The following FOXP1 variants were observed in gnomAD, a reference collection of about 807,000 sequenced individuals.
FOXP1 encodes the protein forkhead box protein P1.
FOXP1 carries 15 observed loss-of-function variants against 98.2 expected under a neutral mutation model. The observed-to-expected ratio is 0.15, with a 90% CI of 0.10 to 0.24. The LOEUF (loss-of-function observed/expected upper bound fraction) is 0.24, where lower values mean the gene tolerates loss of function less well. FOXP1 is among the 10% of genes least tolerant of loss of function. The probability of loss-of-function intolerance (pLI) is 1.00; values close to 1 mark genes in which losing one functional copy is unlikely to be tolerated. For synonymous variants in FOXP1, 371 were observed against 314.5 expected, an observed-to-expected ratio of 1.18 and a Z score of -1.90; for missense variants, 633 against 848.5, an observed-to-expected ratio of 0.75 and a Z score of 3.15.
chr3:71,353,053 G>A (rs1350540112), intron 4 of FOXP1, among the ~76,000 whole-genome samples: 3 of 152,174 alleles, frequency 2.0e-5, no homozygotes, highest in Middle Eastern at 6.3e-3. Flanking sequence ...CTCCTGGTTG[G>A]AATACCCAGG....
intron 17 of FOXP1, among the ~76,000 whole-genome samples, chr3:70,974,906 C>G (rs1559610142): frequency 6.6e-6 from 1 of 152,168 alleles, no homozygotes; most frequent in African/African-American, 2.4e-5. Flanking sequence ...AAAGCCAAAA[C>G]TTCAGTTCTG....
At chr3:71,367,711 C>A (rs758880507) in intron 3 of FOXP1, among the ~76,000 whole-genome samples, 2 of 152,150 alleles carry the variant, frequency 1.3e-5, no homozygotes, top group Non-Finnish European at 2.9e-5. Context: ...TTTTTCATAT[C>A]ATTTTCTGGA....
At chr3:71,570,415 A>T (rs1242976827) in intron 2 of FOXP1, 1 of 152,148 alleles carries the variant, frequency 6.6e-6, no homozygotes, top group African/African-American at 2.4e-5. Context: ...ACACAACACA[A>T]TGCCAGTTCA....
chr3:71,323,206 T>A (rs1044137790), intron 4 of FOXP1, among the ~76,000 whole-genome samples: 7 of 152,150 alleles, frequency 4.6e-5, no homozygotes, highest in Admixed American at 2.6e-4. Flanking sequence ...CCTGACCTCA[T>A]GATCCGCCCG....
At chr3:70,983,849 T>C (rs1008512231) in intron 14 of FOXP1, among the ~76,000 whole-genome samples, 1 of 152,242 alleles carries the variant, frequency 6.6e-6, no homozygotes, top group East Asian at 1.9e-4. Flanking sequence ...TGTTTCTTTT[T>C]GTTTTTGTTT....
intron 5 of FOXP1, among the ~76,000 whole-genome samples, chr3:71,249,033 A>G (rs959339463): frequency 1.3e-5 from 2 of 152,232 alleles, no homozygotes; most frequent in Non-Finnish European, 2.9e-5. Flanking sequence ...TTTTGTGTAG[A>G]ATTTCTGCAG....
chr3:71,266,971 A>T (rs1196391122), intron 5 of FOXP1, among the ~76,000 whole-genome samples: 1 of 152,188 alleles, frequency 6.6e-6, no homozygotes, highest in Non-Finnish European at 1.5e-5. Context: ...CTCCCATCAC[A>T]GATACACAGT....
At chr3:71,572,739 C>T (rs1289235137) in intron 2 of FOXP1, 2 of 152,152 alleles carry the variant, frequency 1.3e-5, no homozygotes, top group Admixed American at 1.3e-4. Flanking sequence ...TTCCAGGAGC[C>T]TCTCCTACCT....
intron 11 of FOXP1, among the ~76,000 whole-genome samples, chr3:71,031,843 C>T (rs2046907417): frequency 6.6e-6 from 1 of 152,216 alleles, no homozygotes; most frequent in Non-Finnish European, 1.5e-5. Flanking sequence ...CTTATGTTAA[C>T]ACACAACCAC....
At position 71,390,759 on chromosome 3, in the gene FOXP1, A is replaced by G. The variant is rs112804447; in HGVS notation, c.-167-31515T>C. 3.3e-3 allele frequency among the ~76,000 whole-genome samples: 500 copies of G among 152,340 alleles called. 5 individuals are homozygous for G. The highest frequency in any genetic ancestry group is 0.011 in the African/African-American group (468 of 41,574). On this transcript the variant is annotated intron_variant, in intron 3 of 20. Transcript: ENST00000649528. ...CGTGGCCCAAGTTAAAAACGGTTAA[A>G]TAAGAAAGATTTTAAAAGTTCCTTT...
chr3:71,053,657 C>A lies in FOXP1; in HGVS notation c.399G>T (p.Gln133His). Residue 133 changes from glutamine to histidine, a missense_variant, in exon 8 of 21, where the codon CAG becomes CAT. Coordinates refer to ENST00000649528, the MANE Select transcript of FOXP1 (RefSeq NM_001349338.3). ...TTACCTGTTGAAGCATGAGGGCCTG[C>A]TGCTGCTGGAGGAGAACCTGGAGCT... is the stretch of plus-strand genomic sequence containing the variant. The part of the protein sequence containing the change: ...PQQLQVLLQQ[Q>H]QALMLQQQQL... 1 of 1,614,094 alleles carries A rather than the reference C, an allele frequency of 6.2e-7. No individual in the cohort carries two copies. The highest frequency in any genetic ancestry group is 8.5e-7 in the Non-Finnish European group (1 of 1,180,008).
Position 70,957,244 on chromosome 3 carries a change from T to C in FOXP1, c.*2003A>G, listed in dbSNP as rs1265462876. Reference sequence around the variant, plus strand: ...CTGCAGTAGCCCCATAAAATCTCTTTAAGAGAATGAGTTTTGGTCTCTGTA... The same window carrying C: ...CTGCAGTAGCCCCATAAAATCTCTTCAAGAGAATGAGTTTTGGTCTCTGTA... On this transcript the variant is annotated 3_prime_UTR_variant, in exon 21 of 21. Coordinates refer to ENST00000649528, the MANE Select transcript of FOXP1 (RefSeq NM_001349338.3). 8.9e-6 allele frequency: 2 copies of C among 225,194 alleles called. No homozygotes were observed. Among genetic ancestry groups the C allele is most frequent in the African/African-American group, 4.5e-5 (2 of 44,824 alleles). The allele number at this position is 225,194 out of a possible 1,614,324, so 13.9% of individuals were successfully genotyped here.
chr3:71,165,898 T>C (rs2061376608), intron 6 of FOXP1, among the ~76,000 whole-genome samples: 1 of 152,150 alleles, frequency 6.6e-6, no homozygotes, highest in Admixed American at 6.5e-5. Flanking sequence ...AGTAACTGTG[T>C]TGCTGGTGGT....
At chr3:70,966,263 G>T in intron 19 of FOXP1, 1 of 593,856 alleles carries the variant, frequency 1.7e-6, no homozygotes, top group Non-Finnish European at 3.0e-6. Flanking sequence ...CTAACTGGGG[G>T]CCAGGGGGGA....
At chr3:71,428,776 T>G (rs1376700264) in intron 3 of FOXP1, among the ~76,000 whole-genome samples, 1 of 152,144 alleles carries the variant, frequency 6.6e-6, no homozygotes, top group Non-Finnish European at 1.5e-5. Flanking sequence ...TGGACACACA[T>G]ACACACAAAA....
At chr3:71,018,259 A>G (rs573485453) in intron 11 of FOXP1, among the ~76,000 whole-genome samples, 1 of 152,336 alleles carries the variant, frequency 6.6e-6, no homozygotes, top group Non-Finnish European at 1.5e-5. Context: ...TGTTATCCCT[A>G]TACTTCAAAG....
intron 3 of FOXP1, among the ~76,000 whole-genome samples, chr3:71,378,438 C>T (rs544314978): frequency 6.6e-6 from 1 of 152,246 alleles, no homozygotes. Context: ...TTCAATTGCC[C>T]ACCATGCTGA....
intron 3 of FOXP1, among the ~76,000 whole-genome samples, chr3:71,450,931 A>T (rs1486746832): frequency 6.6e-6 from 1 of 152,202 alleles, no homozygotes; most frequent in Non-Finnish European, 1.5e-5. Flanking sequence ...AAAGCCTCAC[A>T]TGAATAAAAC....
At chr3:71,218,269 A>C (rs1395622661) in intron 5 of FOXP1, among the ~76,000 whole-genome samples, 1 of 152,240 alleles carries the variant, frequency 6.6e-6, no homozygotes, top group Non-Finnish European at 1.5e-5. Flanking sequence ...AAGGTAAGTA[A>C]CTGATAGTGA....
Sources: allele counts gnomAD v4.1 joint callset (sites outside exome capture counted in the v4.1 genomes callset), GRCh38; gene constraint gnomAD v4.1.1; transcripts MANE v1.5; gene names NCBI Gene and HGNC (gene_info 2026-07-23, HGNC 2026-07-21).